The following PPFIBP2 variants were observed in gnomAD, a reference collection of about 807,000 sequenced individuals.
PPFIBP2 encodes the protein PPFIB scaffold protein 2.
Under a neutral mutation model 118.3 loss-of-function variants are expected in PPFIBP2, and 118 were observed. The observed-to-expected ratio is 1.00, with a 90% CI of 0.86 to 1.16. The LOEUF (loss-of-function observed/expected upper bound fraction) is 1.16, where lower values mean the gene tolerates loss of function less well. Ranked by LOEUF, PPFIBP2 falls within the 50% of genes most tolerant of loss-of-function variation. PPFIBP2 has a pLI of 0.00. For synonymous variants in PPFIBP2, 414 were observed against 397.4 expected, an observed-to-expected ratio of 1.04 and a Z score of -0.50; for missense variants, 1,195 against 1,073.1, an observed-to-expected ratio of 1.11 and a Z score of -1.59.
chr11:7,642,312 A>C lies in PPFIBP2; in HGVS notation c.1532A>C (p.Gln511Pro), dbSNP rs756945360. Residue 511 changes from glutamine to proline, a missense_variant, in exon 17 of 24, where the codon CAG becomes CCG. Physicochemically the swap from Gln to Pro is moderately conservative, Grantham distance 76. Transcript: ENST00000299492. ...KKFWGKIRRT[Q>P]SGNFYTDTLG... ...TCTCCATGCAGAATCCGAAGAACTCAGTCAGGAAATTTCTACACTGACACG... is the reference window on the plus strand; with the variant it reads ...TCTCCATGCAGAATCCGAAGAACTCCGTCAGGAAATTTCTACACTGACACG... 1 of 1,614,108 alleles carries C rather than the reference A, an allele frequency of 6.2e-7. No homozygotes were observed. Among genetic ancestry groups the C allele is most frequent in the East Asian group, 2.2e-5 (1 of 44,884 alleles).
At chr11:7,514,651 G>C (rs950267493) in intron 1 of PPFIBP2, among the ~76,000 whole-genome samples, 3 of 152,138 alleles carry the variant, frequency 2.0e-5, no homozygotes, top group Admixed American at 6.5e-5. Flanking sequence ...AAAATCTAAA[G>C]CCGCCGCGTC....
chr11:7,665,963 G>T, the PPFIBP2 span: 2 of 1,518,602 alleles, frequency 1.3e-6, no homozygotes, highest in Non-Finnish European at 1.8e-6. Flanking sequence ...AGGTACAGCC[G>T]GGAGCAGTGT....
intron 17 of PPFIBP2, among the ~76,000 whole-genome samples, chr11:7,647,132 C>T (rs755129140): frequency 1.4e-4 from 21 of 152,026 alleles, no homozygotes; most frequent in Non-Finnish European, 2.5e-4. Flanking sequence ...TGAGGAATTC[C>T]CTCACTTTAA....
At chr11:7,649,305 T>A in intron 20 of PPFIBP2, 70 bp downstream of exon 20, 1 of 1,408,958 alleles carries the variant, frequency 7.1e-7, no homozygotes, top group East Asian at 2.3e-5. Context: ...CCATGGTGGT[T>A]ATTTTAAACT....
At chr11:7,524,671 T>C (rs1159342979) in intron 1 of PPFIBP2, among the ~76,000 whole-genome samples, 2 of 151,628 alleles carry the variant, frequency 1.3e-5, no homozygotes, top group Non-Finnish European at 2.9e-5. Flanking sequence ...AAGATCAGGA[T>C]CAGGCACATT....
intron 5 of PPFIBP2, 68 bp from the exon 6 acceptor site, chr11:7,610,223 T>C: frequency 6.5e-7 from 1 of 1,544,534 alleles, no homozygotes; most frequent in South Asian, 1.1e-5. Flanking sequence ...TTATGTGCTG[T>C]AAATGAAGCC....
intron 17 of PPFIBP2, among the ~76,000 whole-genome samples, chr11:7,645,949 C>G (rs1338241543): frequency 6.6e-6 from 1 of 151,830 alleles, no homozygotes; most frequent in Non-Finnish European, 1.5e-5. Flanking sequence ...TAATATAAAA[C>G]AAAAGTGATA....
chr11:7,571,749 G>C (rs375117752), intron 3 of PPFIBP2: 2 of 152,154 alleles, frequency 1.3e-5, no homozygotes, highest in Non-Finnish European at 2.9e-5. Context: ...AGGTGTGTCC[G>C]TGCTTTCTTT....
At chr11:7,601,008 C>T (rs1861325301) in intron 5 of PPFIBP2, among the ~76,000 whole-genome samples, 1 of 152,206 alleles carries the variant, frequency 6.6e-6, no homozygotes, top group Non-Finnish European at 1.5e-5. Context: ...GGAATAACTC[C>T]AGGGGGACTT....
At chr11:7,617,021 C>A in intron 6 of PPFIBP2, 1 of 673,358 alleles carries the variant, frequency 1.5e-6, no homozygotes, top group Non-Finnish European at 1.8e-6. Context: ...GCCCCATGCA[C>A]ACTTCCTCTG....
chr11:7,657,636 C>G (rs1000214319), downstream of PPFIBP2, among the ~76,000 whole-genome samples: 5 of 152,230 alleles, frequency 3.3e-5, no homozygotes, highest in African/African-American at 1.2e-4. Context: ...ACTCTTTAGT[C>G]CTTCCTCCCT....
At chr11:7,613,249 T>G (rs925893898) in intron 6 of PPFIBP2, among the ~76,000 whole-genome samples, 2 of 152,236 alleles carry the variant, frequency 1.3e-5, no homozygotes, top group Non-Finnish European at 2.9e-5. Context: ...GAAATTAGTC[T>G]CAGTTGTATC....
intron 2 of PPFIBP2, among the ~76,000 whole-genome samples, chr11:7,562,976 T>TATATATATAC (rs1554953438): frequency 7.0e-5 from 7 of 100,462 alleles, no homozygotes; most frequent in African/African-American, 2.0e-4. Flanking sequence ...TATATATATA[T>TATATATATAC]ACACGCACAC....
intron 8 of PPFIBP2, among the ~76,000 whole-genome samples, chr11:7,627,409 G>A (rs145187200): frequency 0.022 from 3,355 of 151,802 alleles, 55 homozygotes; most frequent in Non-Finnish European, 0.033. Context: ...GATACAACAA[G>A]CATCCCAAAA....
chr11:7,633,756 G>A (rs1851082321), intron 12 of PPFIBP2, among the ~76,000 whole-genome samples: 1 of 152,196 alleles, frequency 6.6e-6, no homozygotes, highest in South Asian at 2.1e-4. Flanking sequence ...AATAAGAATT[G>A]TGGTTTATGA....
chr11:7,647,586 T>G (rs1409837970), intron 17 of PPFIBP2, among the ~76,000 whole-genome samples: 1 of 152,220 alleles, frequency 6.6e-6, no homozygotes, highest in East Asian at 1.9e-4. Flanking sequence ...TAAATTGTTT[T>G]AACAGTAGCA....
intron 1 of PPFIBP2, among the ~76,000 whole-genome samples, chr11:7,520,509 T>G (rs201998048): frequency 6.7e-6 from 1 of 149,238 alleles, no homozygotes; most frequent in South Asian, 2.1e-4. Context: ...CCATAAGATT[T>G]TTTTTTTTTT....
chr11:7,608,030 C>A (rs912876228), intron 5 of PPFIBP2, among the ~76,000 whole-genome samples: 2 of 151,966 alleles, frequency 1.3e-5, no homozygotes, highest in African/African-American at 4.8e-5. Flanking sequence ...ATGATTACAT[C>A]TTAAGATACT....
chr11:7,593,969 G>C (rs1859810722), intron 4 of PPFIBP2, among the ~76,000 whole-genome samples: 2 of 152,086 alleles, frequency 1.3e-5, no homozygotes, highest in South Asian at 4.2e-4. Context: ...TTAGTGATTT[G>C]GAAAATATAA....
Sources: gnomAD v4.1 joint callset for allele counts (sites outside exome capture counted in the v4.1 genomes callset) on GRCh38, gnomAD v4.1.1 for gene constraint, MANE v1.5 for transcripts, NCBI Gene and HGNC (gene_info 2026-07-23, HGNC 2026-07-21) for gene names.